SYNM: variants seen among roughly 807,000 people sequenced by gnomAD.
SYNM encodes the protein desmuslin.
SYNM carries 95 observed loss-of-function variants against 104.0 expected under a neutral mutation model. The ratio of observed to expected loss-of-function variants is 0.91; its 90% CI spans 0.77 to 1.08. The LOEUF (loss-of-function observed/expected upper bound fraction) is 1.08. Among genes scored for constraint, SYNM ranks in the 50% least tolerant of loss-of-function variants. The pLI is 0.00. For missense variants in SYNM, 2,150 were observed against 2,052.2 expected, an observed-to-expected ratio of 1.05 and a Z score of -0.92; for synonymous variants, 918 against 869.0, an observed-to-expected ratio of 1.06 and a Z score of -0.99.
chr15:99,137,846 C>G (rs1391575841), downstream of SYNM: 4 of 1,112,758 alleles, frequency 3.6e-6, no homozygotes, highest in African/African-American at 6.3e-5. Context: ...CAAAATGTGG[C>G]CCACGGGAGG....
intron 1 of SYNM, among the ~76,000 whole-genome samples, chr15:99,110,082 G>A (rs561454830): frequency 6.6e-5 from 10 of 152,292 alleles, no homozygotes; most frequent in Admixed American, 6.5e-4. Context: ...TCTCAGAGGG[G>A]CCCCTGCGTT....
In SYNM at chr15:99,133,231, C is replaced by T. The variant is rs2067532529; in HGVS notation, c.*173C>T. 1 of 1,347,362 alleles carries T rather than the reference C, an allele frequency of 7.4e-7. No individual in the cohort carries two copies. The highest frequency in any genetic ancestry group is 2.6e-4 in the Middle Eastern group (1 of 3,774). The allele number at this position is 1,347,362 out of a possible 1,614,324, so 83.5% of individuals were successfully genotyped here. A position where few individuals can be genotyped will look rare whatever the true frequency, so the allele number is the denominator to read the frequency against. On this transcript the variant is annotated 3_prime_UTR_variant, in exon 4 of 4. Transcript: ENST00000336292. Reference sequence around the variant, plus strand: ...TTTATAGTTAATCCGTAAAGGTTTCCAGTTAATTCATGCCTTAAAAGGCAC... The same window carrying T: ...TTTATAGTTAATCCGTAAAGGTTTCTAGTTAATTCATGCCTTAAAAGGCAC...
chr15:99,125,222 C>T (rs1171112002), intron 2 of SYNM, among the ~76,000 whole-genome samples: 8 of 152,212 alleles, frequency 5.3e-5, no homozygotes, highest in South Asian at 2.1e-4. Flanking sequence ...AGCTGCAGGA[C>T]GCCACCCCTT....
Position 99,105,539 on chromosome 15 carries a change from G to T in SYNM, c.340G>T (p.Gly114Cys). 1 of 1,231,486 alleles carries T rather than the reference G, an allele frequency of 8.1e-7. No individual in the cohort carries two copies. The highest frequency in any genetic ancestry group is 1.0e-6 in the Non-Finnish European group (1 of 988,632). 76.3% of individuals were successfully genotyped at this position (1,231,486 alleles called of 1,614,324 possible). A position where few individuals can be genotyped will look rare whatever the true frequency, so the allele number is the denominator to read the frequency against. Reference sequence around the variant, plus strand: ...CCGCGGCCGCCTGGACGCCGAGCTGGGTGCGCAGCAGCGCGAGCTGCAGGA... The same window carrying T: ...CCGCGGCCGCCTGGACGCCGAGCTGTGTGCGCAGCAGCGCGAGCTGCAGGA... ...AARGRLDAEL[G>C]AQQRELQEAL... is the part of the protein sequence containing the mutation. Residue 114 changes from glycine to cysteine, a missense_variant, in exon 1 of 4, where the codon GGT becomes TGT. Coordinates refer to ENST00000336292, the MANE Select transcript of SYNM (RefSeq NM_145728.3).
At chr15:99,125,618 C>T (rs2067440149) in intron 2 of SYNM, among the ~76,000 whole-genome samples, 1 of 152,258 alleles carries the variant, frequency 6.6e-6, no homozygotes, top group Admixed American at 6.5e-5. Flanking sequence ...AAATACAACT[C>T]AGTGCAGTTT....
chr15:99,129,671 T>C lies in SYNM; in HGVS notation c.1311T>C (p.Asn437=), dbSNP rs782150052. 4.3e-6 allele frequency: 7 copies of C among 1,613,676 alleles called. No homozygotes were observed. Residue 437 remains asparagine, a synonymous_variant, in exon 4 of 4, where the codon AAT becomes AAC. Transcript: ENST00000336292. The stretch of plus-strand genomic sequence containing the variant: ...CTCCAACCTATGGCCTTTTAAGAAA[T>C]ACTGAGGCTCAAGTGAAAACATTCC... The part of the protein sequence containing the change: ...TFSPTYGLLR[N]TEAQVKTFPD...
At chr15:99,124,679 A>AT (rs2067431545) in intron 2 of SYNM, among the ~76,000 whole-genome samples, 1 of 151,914 alleles carries the variant, frequency 6.6e-6, no homozygotes. Context: ...ATCGCAGGGG[A>AT]GGGGGCTGAG....
chr15:99,137,961 C>G, downstream of SYNM: 1 of 1,611,890 alleles, frequency 6.2e-7, no homozygotes, highest in Non-Finnish European at 8.5e-7. Context: ...GTACAGCACC[C>G]TAAATGACAG....
chr15:99,133,216 A>G lies in SYNM; in HGVS notation c.*158A>G, dbSNP rs2067532378. 1 of 1,405,328 alleles carries G rather than the reference A, an allele frequency of 7.1e-7. No individual in the cohort carries two copies. 87.1% of individuals were successfully genotyped at this position (1,405,328 alleles called of 1,614,324 possible). The stretch of plus-strand genomic sequence containing the variant: ...GCATGGTCAATTTCCTTTATAGTTA[A>G]TCCGTAAAGGTTTCCAGTTAATTCA... On this transcript the variant is annotated 3_prime_UTR_variant, in exon 4 of 4. Transcript: ENST00000336292.
downstream of SYNM, chr15:99,139,594 G>C (rs1555489180): frequency 6.5e-7 from 1 of 1,531,600 alleles, no homozygotes; most frequent in South Asian, 1.2e-5. Context: ...AAAGTGAACA[G>C]TTTTAGCACT....
At chr15:99,139,248 C>A, downstream of SYNM, 1 of 1,574,756 alleles carries the variant, frequency 6.4e-7, no homozygotes, top group East Asian at 2.3e-5. Flanking sequence ...CCTTCTAGAA[C>A]CAGCTTTCTC....
chr15:99,130,238 T>G lies in SYNM; in HGVS notation c.1878T>G (p.Thr626=). 1 of 1,614,000 alleles carries G rather than the reference T, an allele frequency of 6.2e-7. No homozygotes were observed. Among genetic ancestry groups the G allele is most frequent in the Non-Finnish European group, 8.5e-7 (1 of 1,179,890 alleles). The part of the protein sequence containing the change: ...LRFRLGTSDA[T]GSLQGDSMTE... ...TCAGGTTGGGCACCAGTGATGCCAC[T>G]GGTTCTCTGCAAGGCGATTCCATGA... Residue 626 remains threonine (T), a synonymous_variant, in exon 4 of 4, where the codon ACT becomes ACG. Coordinates refer to ENST00000336292, the MANE Select transcript of SYNM (RefSeq NM_145728.3).
Position 99,135,574 on chromosome 15 carries a change from A to G in SYNM, c.*2516A>G, listed in dbSNP as rs1555486599. ...ATGTCACAAGAATGTGCAAAAATAA[A>G]AATCTGAGGAAAAAACCCACATTGT... On this transcript the variant is annotated 3_prime_UTR_variant, in exon 4 of 4. Transcript: ENST00000336292. 2 of 152,668 alleles carry G rather than the reference A, an allele frequency of 1.3e-5. No individual in the cohort carries two copies. The allele number at this position is 152,668 out of a possible 1,614,324, so 9.5% of individuals were successfully genotyped here.
downstream of SYNM, chr15:99,139,192 A>G: frequency 8.2e-7 from 1 of 1,220,956 alleles, no homozygotes; most frequent in Non-Finnish European, 1.2e-6. Context: ...TCCTTTATGC[A>G]AGTTATGGGA....
In SYNM at chr15:99,119,399, T is replaced by G. The variant is rs574099615; in HGVS notation, c.935+5684T>G. On this transcript the variant is annotated intron_variant, in intron 2 of 3. Coordinates refer to ENST00000336292, the MANE Select transcript of SYNM (RefSeq NM_145728.3). Reference sequence around the variant, plus strand: ...GCCTCGTAACAAAATCCCAGGTGATTCGTGCGCACACTGCTGTTGGCAGAG... The same window carrying G: ...GCCTCGTAACAAAATCCCAGGTGATGCGTGCGCACACTGCTGTTGGCAGAG... 2.0e-5 allele frequency among the ~76,000 whole-genome samples: 3 copies of G among 152,260 alleles called. No individual in the cohort carries two copies. In the East Asian group the frequency reaches 5.8e-4, roughly 29 times the overall value.
chr15:99,115,988 A>G (rs2067345358), intron 2 of SYNM, among the ~76,000 whole-genome samples: 1 of 152,252 alleles, frequency 6.6e-6, no homozygotes, highest in Non-Finnish European at 1.5e-5. Flanking sequence ...CCTGGGCCCC[A>G]GGAGGCTGCT....
At chr15:99,107,967 TGG>T (rs1567273588) in intron 1 of SYNM, among the ~76,000 whole-genome samples, 13 of 140,524 alleles carry the variant, frequency 9.3e-5, no homozygotes, top group African/African-American at 2.5e-4. Context: ...TTTTTGGTTT[TGG>T]TTTTGGTTTT....
At position 99,105,175 on chromosome 15, in the gene SYNM, G is replaced by T; in HGVS notation, c.-25G>T. 1 of 1,565,142 alleles carries T rather than the reference G, an allele frequency of 6.4e-7. No homozygotes were observed. Among genetic ancestry groups the T allele is most frequent in the Non-Finnish European group, 8.6e-7 (1 of 1,160,450 alleles). Reference sequence around the variant, plus strand: ...CAGGGCAGGAGGGAGCCGGCCAGCCGCGAGAACCCCGCACGCCCGGCAAGA... The same window carrying T: ...CAGGGCAGGAGGGAGCCGGCCAGCCTCGAGAACCCCGCACGCCCGGCAAGA... On this transcript the variant is annotated 5_prime_UTR_variant, in exon 1 of 4. Coordinates refer to ENST00000336292, the MANE Select transcript of SYNM (RefSeq NM_145728.3).
chr15:99,115,871 G>A (rs2067344265), intron 2 of SYNM, among the ~76,000 whole-genome samples: 1 of 152,242 alleles, frequency 6.6e-6, no homozygotes, highest in South Asian at 2.1e-4. Context: ...TGCAGCCTGG[G>A]CCGGCCTCAC....
Sources: allele counts gnomAD v4.1 joint callset (sites outside exome capture counted in the v4.1 genomes callset), GRCh38; gene constraint gnomAD v4.1.1; transcripts MANE v1.5; gene names NCBI Gene and HGNC (gene_info 2026-07-23, HGNC 2026-07-21).